Variants in SLC4A8 observed in about 807,000 individuals in gnomAD.
SLC4A8 encodes the protein electroneutral sodium bicarbonate exchanger 1.
A neutral mutation model predicts 125.0 loss-of-function variants in SLC4A8; 40 were observed. That is an observed-to-expected ratio of 0.32 (90% CI 0.25 to 0.42). The LOEUF (loss-of-function observed/expected upper bound fraction) is 0.42, where lower values mean the gene tolerates loss of function less well. Among genes scored for constraint, SLC4A8 ranks in the 10% least tolerant of loss-of-function variants. The pLI is 1.00. For synonymous variants in SLC4A8, 456 were observed against 476.0 expected (o/e 0.96, Z 0.55); for missense variants, 863 against 1,355.1 (o/e 0.64, Z 5.70).
chr12:51,402,535 A>G (rs1479600978), intron 1 of SLC4A8, among the ~76,000 whole-genome samples: 1 of 152,166 alleles, frequency 6.6e-6, no homozygotes, highest in Non-Finnish European at 1.5e-5. Context: ...CAGCCTGGCC[A>G]ACATGGTGAA....
In SLC4A8 at chr12:51,455,120, G is replaced by A. The variant is rs551016402; in HGVS notation, c.574+1421G>A. On this transcript the variant is annotated intron_variant, in intron 5 of 24. Coordinates refer to ENST00000453097, the MANE Select transcript of SLC4A8 (RefSeq NM_001039960.3). Reference sequence around the variant, plus strand: ...CACACGTTTCAGAGAGCACGGGGTTGGGGGTAAGGTTATAGATTAACAGAA... The same window carrying A: ...CACACGTTTCAGAGAGCACGGGGTTAGGGGTAAGGTTATAGATTAACAGAA... Among the ~76,000 whole-genome samples, 38 of 143,092 alleles carry A rather than the reference G, an allele frequency of 2.7e-4. 1 individual carries two copies. Among genetic ancestry groups the A allele is most frequent in the Admixed American group, 5.6e-4 (8 of 14,160 alleles). 93.9% of individuals were successfully genotyped at this position (143,092 alleles called of 152,430 possible).
Position 51,392,586 on chromosome 12 carries a change from AG to A in SLC4A8, c.-112+1099del, listed in dbSNP as rs1408771413. Among the ~76,000 whole-genome samples the A allele has an allele frequency of 4.4e-3, 644 of 145,494 alleles. 2 individuals are homozygous for A. Among genetic ancestry groups the A allele is most frequent in the Non-Finnish European group, 6.6e-3 (430 of 65,496 alleles). On this transcript the variant is annotated intron_variant, in intron 1 of 24. Transcript: ENST00000358657. ...GATTCCGTATCAAAAAAAAAAAAAA[AG>A]AAAAAAAGAAAAGAAAAGAAAAGAA...
At chr12:51,408,262 C>T (rs1220709088) in intron 1 of SLC4A8, among the ~76,000 whole-genome samples, 3 of 152,218 alleles carry the variant, frequency 2.0e-5, no homozygotes, top group Non-Finnish European at 4.4e-5. Flanking sequence ...CAGAGTCTCA[C>T]TCTGTCATCC....
intron 17 of SLC4A8, among the ~76,000 whole-genome samples, chr12:51,487,048 C>T (rs1462967186): frequency 6.6e-6 from 1 of 152,124 alleles, no homozygotes; most frequent in African/African-American, 2.4e-5. Context: ...TTAAGCGGTC[C>T]TTGGAAAGGT....
chr12:51,500,772 C>T (rs1352845600), intron 22 of SLC4A8, among the ~76,000 whole-genome samples: 2 of 151,230 alleles, frequency 1.3e-5, no homozygotes, highest in Admixed American at 6.6e-5. Flanking sequence ...CTGCAAGCTC[C>T]GCCTCCCGGG....
rs1197424547 is a variant in SLC4A8, at chr12:51,450,940, C to T, written c.195C>T (p.Arg65=). ...PLGRQSHRHH[R]THGQKHRRRG... is the part of the protein sequence containing the mutation. ...GCCGGCAGAGCCATCGGCATCACCG[C>T]ACTCATGGCCAGAAGCACCGGAGAC... Residue 65 remains arginine (R), a synonymous_variant, in exon 3 of 25, where the codon CGC becomes CGT. Transcript: ENST00000453097. 1.2e-6 allele frequency: 2 copies of T among 1,607,406 alleles called. No individual in the cohort carries two copies. Among genetic ancestry groups the T allele is most frequent in the South Asian group, 1.1e-5 (1 of 89,890 alleles).
chr12:51,463,410 GGTGTGT>G (rs71731491), intron 10 of SLC4A8, among the ~76,000 whole-genome samples, 198 bp from the exon 11 acceptor site: 5,665 of 144,002 alleles, frequency 0.039, 122 homozygotes, highest in Non-Finnish European at 0.056. Flanking sequence ...GAAATTATGG[GGTGTGT>G]GTGTGTGTGT....
chr12:51,401,186 G>A (rs1178165207), intron 1 of SLC4A8, among the ~76,000 whole-genome samples: 2 of 152,152 alleles, frequency 1.3e-5, no homozygotes, highest in Non-Finnish European at 2.9e-5. Flanking sequence ...CCCAGTGGGC[G>A]TGTGCTACCG....
intron 5 of SLC4A8, 26 bp downstream of exon 5, chr12:51,453,725 G>A (rs1950038675): frequency 1.9e-6 from 3 of 1,596,412 alleles, no homozygotes; most frequent in African/African-American, 1.3e-5. Context: ...GGAAAACAGA[G>A]CAACTTTCTT....
At chr12:51,435,815 C>G (rs1949388091) in intron 1 of SLC4A8, among the ~76,000 whole-genome samples, 1 of 152,102 alleles carries the variant, frequency 6.6e-6, no homozygotes, top group South Asian at 2.1e-4. Flanking sequence ...TGCTTCCTTA[C>G]TATCTAACAT....
Position 51,511,640 on chromosome 12 carries a change from C to A in SLC4A8, c.*4202C>A, listed in dbSNP as rs1401165971. On this transcript the variant is annotated 3_prime_UTR_variant, in exon 25 of 25. Transcript: ENST00000453097. The stretch of plus-strand genomic sequence containing the variant: ...CTGGCCTCAGGTGATCCACCCACCT[C>A]AGCCTCCCAAAGTGCTGGGATTACA... 1 of 152,242 alleles carries A rather than the reference C, an allele frequency of 6.6e-6. No homozygotes were observed. Among genetic ancestry groups the A allele is most frequent in the Non-Finnish European group, 1.5e-5 (1 of 68,072 alleles). The allele number at this position is 152,242 out of a possible 1,614,324, so 9.4% of individuals were successfully genotyped here. A position where few individuals can be genotyped will look rare whatever the true frequency, so the allele number is the denominator to read the frequency against.
At position 51,495,088 on chromosome 12, in the gene SLC4A8, A is replaced by G; in HGVS notation, c.2913A>G (p.Ala971=). ...TCGTCCTGCTCTGGGTCATCAAGGC[A>G]TCTCCAGCTGCCATTGTTTTCCCAA... The part of the protein sequence containing the change: ...TCLVLLWVIK[A]SPAAIVFPMM... The change falls in exon 21 of 25, where the codon GCA becomes GCG. Residue 971 remains alanine (A), a synonymous_variant. Coordinates refer to ENST00000453097, the MANE Select transcript of SLC4A8 (RefSeq NM_001039960.3). 6.2e-7 allele frequency: 1 copy of G among 1,612,932 alleles called. No homozygotes were observed. Among genetic ancestry groups the G allele is most frequent in the South Asian group, 1.1e-5 (1 of 90,806 alleles).
chr12:51,504,518 TA>T (rs1938080382), intron 23 of SLC4A8, among the ~76,000 whole-genome samples: 1 of 152,248 alleles, frequency 6.6e-6, no homozygotes, highest in African/African-American at 2.4e-5. Context: ...TGTTGCTGAA[TA>T]GAAAGATTAG....
intron 1 of SLC4A8, among the ~76,000 whole-genome samples, chr12:51,428,084 A>G (rs981971496): frequency 6.6e-6 from 1 of 152,082 alleles, no homozygotes; most frequent in African/African-American, 2.4e-5. Context: ...TAAGTCTTGC[A>G]TACCTCAGGT....
chr12:51,479,706 T>G (rs1462908063), intron 16 of SLC4A8, among the ~76,000 whole-genome samples: 4 of 147,800 alleles, frequency 2.7e-5, no homozygotes, highest in Non-Finnish European at 4.5e-5. Context: ...AAAAGAAATG[T>G]GGACAAATAT....
chr12:51,426,691 C>T (rs982408869), intron 1 of SLC4A8, among the ~76,000 whole-genome samples: 2 of 151,978 alleles, frequency 1.3e-5, no homozygotes, highest in Non-Finnish European at 2.9e-5. Flanking sequence ...GAAATGAGGC[C>T]AGTGTGGTGC....
Position 51,511,463 on chromosome 12 carries a change from C to G in SLC4A8, c.*4025C>G, listed in dbSNP as rs971913562. On this transcript the variant is annotated 3_prime_UTR_variant, in exon 25 of 25. Coordinates refer to ENST00000453097, the MANE Select transcript of SLC4A8 (RefSeq NM_001039960.3). ...GGAGTGCAGTGGTGCGATCTCATCT[C>G]ACTGCAACCTCTGCCTCCTGGGTTC... is the stretch of plus-strand genomic sequence containing the variant. The G allele has an allele frequency of 6.6e-6, 1 of 152,318 alleles. No individual in the cohort carries two copies. The highest frequency in any genetic ancestry group is 1.5e-5 in the Non-Finnish European group (1 of 68,112). 9.4% of individuals were successfully genotyped at this position (152,318 alleles called of 1,614,324 possible).
At chr12:51,496,540 A>T (rs2138423000) in intron 21 of SLC4A8, among the ~76,000 whole-genome samples, 1 of 152,328 alleles carries the variant, frequency 6.6e-6, no homozygotes, top group African/African-American at 2.4e-5. Flanking sequence ...CAAAGCAAGG[A>T]TTTGGGTAGG....
chr12:51,495,563 C>T (rs560453442), intron 21 of SLC4A8, among the ~76,000 whole-genome samples: 2 of 150,362 alleles, frequency 1.3e-5, no homozygotes, highest in Non-Finnish European at 3.0e-5. Context: ...GTGACCTCCA[C>T]CTCCCAGGTT....
Sources: allele counts gnomAD v4.1 joint callset (sites outside exome capture counted in the v4.1 genomes callset), GRCh38; gene constraint gnomAD v4.1.1; transcripts MANE v1.5; gene names NCBI Gene and HGNC (gene_info 2026-07-23, HGNC 2026-07-21).